ADSS1: variants seen among roughly 807,000 people sequenced by gnomAD.
ADSS1 encodes adenylosuccinate synthase 1, also known as adenylosuccinate synthetase isozyme 1.
A neutral mutation model predicts 59.1 loss-of-function variants in ADSS1; 57 were observed. The ratio of observed to expected loss-of-function variants is 0.97; its 90% CI spans 0.78 to 1.20. The LOEUF is 1.20. Ranked by LOEUF, ADSS1 falls within the 50% of genes most tolerant of loss-of-function variation. The probability of loss-of-function intolerance (pLI) is 0.00; values close to 1 mark genes in which losing one functional copy is unlikely to be tolerated. For missense variants in ADSS1, 603 were observed against 610.3 expected (o/e 0.99, Z 0.13); for synonymous variants, 247 against 249.4 (o/e 0.99, Z 0.09).
chr14:104,731,096 G>A (rs1459293994), intron 1 of ADSS1, among the ~76,000 whole-genome samples: 3 of 151,976 alleles, frequency 2.0e-5, no homozygotes, highest in Non-Finnish European at 4.4e-5. Context: ...CTCCCTTGGT[G>A]CCCCTAACTC....
chr14:104,726,522 C>T (rs916729612), intron 1 of ADSS1, among the ~76,000 whole-genome samples: 1 of 152,224 alleles, frequency 6.6e-6, no homozygotes, highest in Non-Finnish European at 1.5e-5. Context: ...TCTCCCCTAC[C>T]ACCGGGCTCC....
chr14:104,735,274 T>C (rs916995355), intron 2 of ADSS1, 152 bp downstream of exon 2: 8 of 710,270 alleles, frequency 1.1e-5, no homozygotes, highest in African/African-American at 1.8e-5. Context: ...CACCAGGCAC[T>C]GGTGCACAGA....
Position 104,740,849 on chromosome 14 carries a change from C to T in ADSS1, c.595C>T (p.Leu199=). The T allele has an allele frequency of 6.2e-7, 1 of 1,613,932 alleles. No individual in the cohort carries two copies. The highest frequency in any genetic ancestry group is 8.5e-7 in the Non-Finnish European group (1 of 1,180,008). Residue 199 remains leucine, a synonymous_variant, in exon 7 of 13, where the codon CTG becomes TTG. Transcript: ENST00000330877. The surrounding 1 kb of genome is among the most constrained non-coding windows in gnomAD (Gnocchi z 4.8). The part of the protein sequence containing the change: ...FDEFSSRFKN[L]AHQHQSMFPT... ...CTGTCCCTTGTGCAGATTCAAGAAC[C>T]TGGCCCACCAGCACCAGTCGATGTT...
chr14:104,731,645 G>T (rs941252148), intron 1 of ADSS1, among the ~76,000 whole-genome samples: 1 of 152,214 alleles, frequency 6.6e-6, no homozygotes, highest in Non-Finnish European at 1.5e-5. Context: ...GAGGCCTGCC[G>T]GCTGGACGTG....
At chr14:104,744,703 TG>T in intron 10 of ADSS1, 108 bp from the exon 11 acceptor site, 2 of 1,032,918 alleles carry the variant, frequency 1.9e-6, no homozygotes, top group Non-Finnish European at 2.9e-6. Flanking sequence ...GCCCAGGGAC[TG>T]GGGACCCCTG....
chr14:104,733,427 C>A (rs746707190), intron 1 of ADSS1, among the ~76,000 whole-genome samples: 50 of 152,226 alleles, frequency 3.3e-4, no homozygotes, highest in Non-Finnish European at 6.6e-4. Context: ...TCTGCCCCCC[C>A]TCTGTCCCCA....
At chr14:104,746,815 T>C in intron 12 of ADSS1, 136 bp from the exon 13 acceptor site, 4 of 889,120 alleles carry the variant, frequency 4.5e-6, no homozygotes, top group Non-Finnish European at 5.3e-6. Flanking sequence ...ACTTAAAAAT[T>C]AGAACTGCCT....
chr14:104,729,932 G>A lies in ADSS1; in HGVS notation c.193-5088G>A, dbSNP rs1475635719. On this transcript the variant is annotated intron_variant, in intron 1 of 12. Transcript: ENST00000330877. Reference sequence around the variant, plus strand: ...CTGTGGGGTGGCAACCCAGAGGCAAGGAGGTGGGCAGAGGCCCACGAACCT... The same window carrying A: ...CTGTGGGGTGGCAACCCAGAGGCAAAGAGGTGGGCAGAGGCCCACGAACCT... 3.8e-6 allele frequency: 6 copies of A among 1,559,192 alleles called. No homozygotes were observed. In the Admixed American group the frequency reaches 1.1e-4, roughly 29 times the overall value.
At chr14:104,739,189 C>T (rs1019241169) in intron 3 of ADSS1, 139 bp from the exon 4 acceptor site, 2 of 819,588 alleles carry the variant, frequency 2.4e-6, no homozygotes, top group Non-Finnish European at 3.9e-6. Flanking sequence ...TGCTGCGCAA[C>T]AGAGGTGGCC....
chr14:104,745,016 C>A, intron 11 of ADSS1, 107 bp downstream of exon 11: 1 of 955,544 alleles, frequency 1.0e-6, no homozygotes, highest in Non-Finnish European at 1.6e-6. Context: ...GTTCACAGGA[C>A]ACAGGGCAAG....
intron 2 of ADSS1, among the ~76,000 whole-genome samples, chr14:104,736,137 C>T (rs1432158008): frequency 6.6e-6 from 1 of 152,234 alleles, no homozygotes; most frequent in South Asian, 2.1e-4. Flanking sequence ...CACCCAAGAC[C>T]ATCCCCTGGG....
rs763629158 is a variant in ADSS1, at chr14:104,739,635, C to T, written c.410-115C>T. On this transcript the variant is annotated intron_variant, in intron 4 of 12. Transcript: ENST00000330877. ...CACCCCAGTTTGTCCTCTTTGAAAT[C>T]TCAACCACCCCCTTCCCAGGAGACT... The T allele has an allele frequency of 2.2e-5, 27 of 1,233,662 alleles. No individual in the cohort carries two copies. The South Asian group carries it at 3.7e-4, about 17-fold the overall frequency. The allele number at this position is 1,233,662 out of a possible 1,614,324, so 76.4% of individuals were successfully genotyped here. A position where few individuals can be genotyped will look rare whatever the true frequency, so the allele number is the denominator to read the frequency against.
chr14:104,737,943 ATGC>A lies in ADSS1; in HGVS notation c.296-428_296-426del, dbSNP rs61098989. Reference sequence around the variant, plus strand: ...GGACAGCTCTTGGCTACTCTGAATAATGCTGCTATGAACATAGGTGTGCCCATT... The same window carrying A: ...GGACAGCTCTTGGCTACTCTGAATAATGCTATGAACATAGGTGTGCCCATT... On this transcript the variant is annotated intron_variant, in intron 2 of 12. Coordinates refer to ENST00000330877, the MANE Select transcript of ADSS1 (RefSeq NM_152328.5). The A allele has an allele frequency of 8.1e-3, 1,606 of 197,718 alleles. 26 individuals carry two copies. The highest frequency in any genetic ancestry group is 0.035 in the African/African-American group (1,501 of 42,408). 12.2% of individuals were successfully genotyped at this position (197,718 alleles called of 1,614,324 possible).
chr14:104,734,932 G>T, intron 1 of ADSS1, 88 bp from the exon 2 acceptor site: 1 of 1,140,382 alleles, frequency 8.8e-7, no homozygotes, highest in South Asian at 1.3e-5. Flanking sequence ...TGCCCTGCAG[G>T]GACAGACGAA....
chr14:104,728,631 G>A (rs546171547), intron 1 of ADSS1, among the ~76,000 whole-genome samples: 1 of 152,332 alleles, frequency 6.6e-6, no homozygotes, highest in African/African-American at 2.4e-5. Context: ...GCTCTGTGCC[G>A]GGCACAGTCG....
chr14:104,741,721 G>A (rs1595210852), intron 8 of ADSS1, 127 bp from the exon 9 acceptor site: 2 of 1,206,998 alleles, frequency 1.7e-6, no homozygotes, highest in Non-Finnish European at 2.3e-6. Flanking sequence ...CCAGGCTGGC[G>A]ACCCCACGGA....
chr14:104,747,046 A>C lies in ADSS1; in HGVS notation c.*43A>C. ...CCCAACAGGCCCTGGCAGCGTCTGG[A>C]CTTGTGTAAACAGCAGCAGTCACGT... On this transcript the variant is annotated 3_prime_UTR_variant, in exon 13 of 13. Transcript: ENST00000330877. The C allele has an allele frequency of 4.5e-6, 7 of 1,566,518 alleles. No individual in the cohort carries two copies. The highest frequency in any genetic ancestry group is 6.1e-6 in the Non-Finnish European group (7 of 1,142,286).
At chr14:104,731,333 C>T (rs923493901) in intron 1 of ADSS1, among the ~76,000 whole-genome samples, 1 of 152,218 alleles carries the variant, frequency 6.6e-6, no homozygotes, top group Non-Finnish European at 1.5e-5. Context: ...CATGCCATGG[C>T]TCTGTGACAG....
chr14:104,735,475 A>T (rs1186726097), intron 2 of ADSS1, among the ~76,000 whole-genome samples: 1 of 152,156 alleles, frequency 6.6e-6, no homozygotes, highest in Non-Finnish European at 1.5e-5. Context: ...CCGTGACTCC[A>T]TGTGCATACC....
Sources: allele counts gnomAD v4.1 joint callset (sites outside exome capture counted in the v4.1 genomes callset), GRCh38; gene constraint gnomAD v4.1.1; non-coding constraint Gnocchi (gnomAD v3.1); transcripts MANE v1.5; gene names NCBI Gene and HGNC (gene_info 2026-07-23, HGNC 2026-07-21).